PSG3: variants seen among roughly 807,000 people sequenced by gnomAD.
PSG3 encodes pregnancy specific beta-1-glycoprotein 3.
PSG3 carries 61 observed loss-of-function variants against 47.5 expected under a neutral mutation model. The observed-to-expected ratio is 1.28, with a 90% CI of 1.05 to 1.59. The LOEUF is 1.59. Among genes scored for constraint, PSG3 ranks in the 40% most tolerant of loss-of-function variants. The pLI is 0.00. For missense variants in PSG3, 756 were observed against 524.0 expected (o/e 1.44, Z -4.32); for synonymous variants, 263 against 198.4 (o/e 1.33, Z -2.74).
At chr19:42,731,123 T>G (rs926292048) in intron 3 of PSG3, among the ~76,000 whole-genome samples, 1 of 152,144 alleles carries the variant, frequency 6.6e-6, no homozygotes, top group African/African-American at 2.4e-5. Context: ...AATCAGAAGT[T>G]GTTCATGGGT....
At chr19:42,735,353 C>G (rs1969545657) in intron 2 of PSG3, among the ~76,000 whole-genome samples, 2 of 151,952 alleles carry the variant, frequency 1.3e-5, no homozygotes, top group South Asian at 2.1e-4. Context: ...CAAAAGCATT[C>G]TTCATGTCTC....
Position 42,729,454 on chromosome 19 carries a change from G to A in PSG3, c.989-77C>T, listed in dbSNP as rs1227453092. 3 of 1,549,040 alleles carry A rather than the reference G, an allele frequency of 1.9e-6. No individual in the cohort carries two copies. In the South Asian group the frequency reaches 3.8e-5, roughly 20 times the overall value. On this transcript the variant is annotated intron_variant, in intron 4 of 6. Coordinates refer to ENST00000327495, the MANE Select transcript of PSG3 (RefSeq NM_021016.4). Reference sequence around the variant, plus strand: ...GCTCCTGGTCTCTTAAAGGGACACAGTGACCCTCTGAGCCAAGACACACCC... The same window carrying A: ...GCTCCTGGTCTCTTAAAGGGACACAATGACCCTCTGAGCCAAGACACACCC...
At chr19:42,734,750 G>T (rs1969533964) in intron 2 of PSG3, among the ~76,000 whole-genome samples, 1 of 152,220 alleles carries the variant, frequency 6.6e-6, no homozygotes, top group African/African-American at 2.4e-5. Flanking sequence ...ACTGGTTAGT[G>T]TGTCAATTGC....
In PSG3 at chr19:42,728,901, G is replaced by T. The variant is rs574668991; in HGVS notation, c.1243+222C>A. ...GCTCAGGGCTGATAAAGCCCGCTCC[G>T]TACCTTTCTCAGGCCAGACACAAGG... On this transcript the variant is annotated intron_variant, in intron 5 of 6. Coordinates refer to ENST00000327495, the MANE Select transcript of PSG3 (RefSeq NM_021016.4). 1.1e-3 allele frequency among the ~76,000 whole-genome samples: 165 copies of T among 152,194 alleles called. 2 individuals carry two copies. The highest frequency in any genetic ancestry group is 3.9e-3 in the African/African-American group (162 of 41,540).
intron 6 of PSG3, among the ~76,000 whole-genome samples, chr19:42,722,768 A>G (rs1407701052): frequency 6.6e-6 from 1 of 152,174 alleles, no homozygotes; most frequent in Non-Finnish European, 1.5e-5. Flanking sequence ...ATGTTGAAAA[A>G]GGTCCTTAGG....
At chr19:42,723,311 C>T (rs1312543002) in intron 6 of PSG3, among the ~76,000 whole-genome samples, 1 of 152,192 alleles carries the variant, frequency 6.6e-6, no homozygotes, top group Non-Finnish European at 1.5e-5. Flanking sequence ...GGATTTCACT[C>T]TGTTTTCAGA....
chr19:42,727,647 A>T (rs980715271), intron 5 of PSG3, among the ~76,000 whole-genome samples: 1 of 152,202 alleles, frequency 6.6e-6, no homozygotes, highest in Non-Finnish European at 1.5e-5. Context: ...TAGATGGAAA[A>T]ATTGGAGCTC....
chr19:42,730,911 T>G (rs1187672671), intron 3 of PSG3, among the ~76,000 whole-genome samples: 1 of 152,240 alleles, frequency 6.6e-6, no homozygotes, highest in African/African-American at 2.4e-5. Context: ...GGGAATGAAC[T>G]GCTGGAAATC....
At chr19:42,729,076 A>G (rs1210243468) in intron 5 of PSG3, 47 bp downstream of exon 5, 2 of 1,613,382 alleles carry the variant, frequency 1.2e-6, no homozygotes, top group Non-Finnish European at 1.7e-6. Flanking sequence ...AAAGCCAGAG[A>G]GACTCCACCT....
At chr19:42,733,431 T>C (rs1341904680) in intron 2 of PSG3, 3 of 243,692 alleles carry the variant, frequency 1.2e-5, no homozygotes, top group African/African-American at 6.7e-5. Flanking sequence ...ATCTTCTTAG[T>C]TTCAGTCTTA....
chr19:42,724,691 C>A (rs1343292228), intron 5 of PSG3, among the ~76,000 whole-genome samples: 1 of 151,922 alleles, frequency 6.6e-6, no homozygotes, highest in Non-Finnish European at 1.5e-5. Flanking sequence ...CATGCCTGCC[C>A]CACATTCCCT....
At chr19:42,734,114 G>C (rs377067020) in intron 2 of PSG3, 2 of 152,242 alleles carry the variant, frequency 1.3e-5, no homozygotes, top group Non-Finnish European at 2.9e-5. Flanking sequence ...GGGATCAGGG[G>C]AATAGGGCGT....
At position 42,730,015 on chromosome 19, in the gene PSG3, G is replaced by T. The variant is rs1159275871; in HGVS notation, c.751C>A (p.Pro251Thr). The change falls in exon 4 of 7, where the codon CCC (proline) becomes ACC (threonine). Residue 251 changes from proline (P) to threonine (T), a missense_variant. By Grantham distance (38) the Pro-to-Thr change is conservative. Coordinates refer to ENST00000327495, the MANE Select transcript of PSG3 (RefSeq NM_021016.4). ...GCTAAGACATCCTTATTCTCCCTGG[G>T]GTTTAAGTTGTTGATGGTGATGTAG... ...KPYITINNLN[P>T]RENKDVLAFT... The T allele has an allele frequency of 5.6e-6, 9 of 1,612,480 alleles. No individual in the cohort carries two copies. Among genetic ancestry groups the T allele is most frequent in the Non-Finnish European group, 7.6e-6 (9 of 1,179,842 alleles).
rs1969304213 is a variant in PSG3, at chr19:42,721,811, T to C, written c.*320A>G. The C allele has an allele frequency of 2.4e-6, 1 of 410,252 alleles. No individual in the cohort carries two copies. The highest frequency in any genetic ancestry group is 1.4e-4 in the South Asian group (1 of 7,038). The allele number at this position is 410,252 out of a possible 1,614,324, so 25.4% of individuals were successfully genotyped here. ...TGCATAAATCTGGAGAATAAAACAT[T>C]CAAAGAATCAGCACATTTTCAAATA... is the stretch of plus-strand genomic sequence containing the variant. On this transcript the variant is annotated 3_prime_UTR_variant, in exon 7 of 7. Coordinates refer to ENST00000327495, the MANE Select transcript of PSG3 (RefSeq NM_021016.4).
Position 42,724,103 on chromosome 19 carries a change from A to T in PSG3, c.1244-78T>A, listed in dbSNP as rs1202334432. ...GGGGAGCCTCAGGAACAAGCATGTA[A>T]CATGAGGTACTCTATAATTGTTTCT... On this transcript the variant is annotated intron_variant, in intron 5 of 6. Coordinates refer to ENST00000327495, the MANE Select transcript of PSG3 (RefSeq NM_021016.4). The T allele has an allele frequency of 2.0e-6, 3 of 1,500,090 alleles. No individual in the cohort carries two copies. The Admixed American group carries it at 5.1e-5, about 26-fold the overall frequency. The allele number at this position is 1,500,090 out of a possible 1,614,324, so 92.9% of individuals were successfully genotyped here.
intron 5 of PSG3, among the ~76,000 whole-genome samples, chr19:42,728,250 TTATATTAGA>T (rs1239434850): frequency 6.6e-6 from 1 of 152,234 alleles, no homozygotes; most frequent in Admixed American, 6.5e-5. Flanking sequence ...ATGGTAAGTC[TTATATTAGA>T]TATATATAAA....
chr19:42,730,923 G>C (rs1026366153), intron 3 of PSG3, among the ~76,000 whole-genome samples: 23 of 152,214 alleles, frequency 1.5e-4, no homozygotes, highest in African/African-American at 5.5e-4. Context: ...CTGGAAATCT[G>C]GTCCTCATGG....
chr19:42,730,094 A>G (rs570371961), intron 3 of PSG3, 38 bp from the exon 4 acceptor site: 24 of 1,602,424 alleles, frequency 1.5e-5, no homozygotes, highest in Non-Finnish European at 2.0e-5. Flanking sequence ...CCTGTGTGGC[A>G]CCTTTGATTC....
At chr19:42,729,448 G>A in intron 4 of PSG3, 71 bp from the exon 5 acceptor site, 1 of 1,554,282 alleles carries the variant, frequency 6.4e-7, no homozygotes, top group South Asian at 1.3e-5. Flanking sequence ...CTCTTAAAGG[G>A]ACACAGTGAC....
Sources: allele counts gnomAD v4.1 joint callset (sites outside exome capture counted in the v4.1 genomes callset), GRCh38; gene constraint gnomAD v4.1.1; transcripts MANE v1.5; gene names NCBI Gene and HGNC (gene_info 2026-07-23, HGNC 2026-07-21).